The following KRR1 variants were observed in gnomAD, a reference collection of about 807,000 sequenced individuals.
KRR1 encodes the protein KRR1 small subunit processome component.
Under a neutral mutation model 50.0 loss-of-function variants are expected in KRR1, and 23 were observed. The ratio of observed to expected loss-of-function variants is 0.46; its 90% CI spans 0.33 to 0.65. The LOEUF is 0.65. Among genes scored for constraint, KRR1 ranks in the 30% least tolerant of loss-of-function variants. KRR1 has a pLI of 0.02. For synonymous variants in KRR1, 133 were observed against 146.3 expected, an observed-to-expected ratio of 0.91 and a Z score of 0.66; for missense variants, 419 against 442.4, an observed-to-expected ratio of 0.95 and a Z score of 0.47.
rs1034792311 is a variant in KRR1 at position 75,498,817 on chromosome 12, T to G, written c.*992A>C. On this transcript the variant is annotated 3_prime_UTR_variant, in exon 10 of 10. Coordinates refer to ENST00000229214, the MANE Select transcript of KRR1 (RefSeq NM_007043.7). ...GTCTAAGAGGATATTCTATGTTTGT[T>G]TCACAGGTTACTACTCTGTTGTATA... 3 of 1,612,112 alleles carry G rather than the reference T, an allele frequency of 1.9e-6. No homozygotes were observed. In the African/African-American group the frequency reaches 4.0e-5, roughly 22 times the overall value.
rs1488605200 is a variant in KRR1, at chr12:75,492,649, T to G, written c.*7160A>C. The G allele has an allele frequency of 6.6e-6, 1 of 152,236 alleles. No homozygotes were observed. Among genetic ancestry groups the G allele is most frequent in the Non-Finnish European group, 1.5e-5 (1 of 68,038 alleles). 9.4% of individuals were successfully genotyped at this position (152,236 alleles called of 1,614,324 possible). On this transcript the variant is annotated 3_prime_UTR_variant, in exon 10 of 10. Coordinates refer to ENST00000229214, the MANE Select transcript of KRR1 (RefSeq NM_007043.7). Reference sequence around the variant, plus strand: ...GGTTTAGACTCACTTATCTTCAGAGTTATAAACAATATTAAATTATAAAAC... The same window carrying G: ...GGTTTAGACTCACTTATCTTCAGAGGTATAAACAATATTAAATTATAAAAC...
intron 2 of KRR1, among the ~76,000 whole-genome samples, chr12:75,507,959 A>G (rs2046430167): frequency 6.6e-6 from 1 of 152,212 alleles, no homozygotes; most frequent in African/African-American, 2.4e-5. Flanking sequence ...TGGGACAGAT[A>G]CATGACAACT....
chr12:75,502,844 A>G (rs1269958494), intron 7 of KRR1: 5 of 152,094 alleles, frequency 3.3e-5, no homozygotes, highest in African/African-American at 1.2e-4. Flanking sequence ...TTATGGAAGC[A>G]TGGTTTAATG....
chr12:75,493,286 C>G lies in KRR1; in HGVS notation c.*6523G>C, dbSNP rs180837743. Reference sequence around the variant, plus strand: ...CAGAGAGACCAGTTAGGAATGTCCTCATTTCCCTTTGCCCTCTGCCCTCTG... The same window carrying G: ...CAGAGAGACCAGTTAGGAATGTCCTGATTTCCCTTTGCCCTCTGCCCTCTG... On this transcript the variant is annotated 3_prime_UTR_variant, in exon 10 of 10. Transcript: ENST00000229214. 1 of 152,298 alleles carries G rather than the reference C, an allele frequency of 6.6e-6. No homozygotes were observed. Among genetic ancestry groups the G allele is most frequent in the East Asian group, 1.9e-4 (1 of 5,182 alleles). 9.4% of individuals were successfully genotyped at this position (152,298 alleles called of 1,614,324 possible). A position where few individuals can be genotyped will look rare whatever the true frequency, so the allele number is the denominator to read the frequency against.
chr12:75,507,861 T>C (rs751918332), intron 2 of KRR1, among the ~76,000 whole-genome samples: 26 of 151,970 alleles, frequency 1.7e-4, no homozygotes, highest in Admixed American at 1.7e-3. Flanking sequence ...GGGCATAGCA[T>C]CAGCAATAAA....
intron 7 of KRR1, 104 bp from the exon 8 acceptor site, chr12:75,502,104 TG>T (rs2046398566): frequency 2.3e-6 from 2 of 855,530 alleles, no homozygotes. Context: ...GGGGTCAAAC[TG>T]ATTTATTAAT....
In KRR1 at chr12:75,498,790, A is replaced by G. The variant is rs2046368752; in HGVS notation, c.*1019T>C. 1.9e-6 allele frequency: 3 copies of G among 1,610,852 alleles called. No individual in the cohort carries two copies. The highest frequency in any genetic ancestry group is 4.5e-5 in the East Asian group (2 of 44,806). On this transcript the variant is annotated 3_prime_UTR_variant, in exon 10 of 10. Transcript: ENST00000229214. ...TTCTGTCAGTGCATTATGAGGAACA[A>G]TGTCTAAGAGGATATTCTATGTTTG...
rs2046339135 is a variant in KRR1 at position 75,494,455 on chromosome 12, G to C, written c.*5354C>G. Reference sequence around the variant, plus strand: ...CTTGCTGCAGAGAACTCAAAATATAGTTTGTGTTCATCACTGCATTGAAAC... The same window carrying C: ...CTTGCTGCAGAGAACTCAAAATATACTTTGTGTTCATCACTGCATTGAAAC... On this transcript the variant is annotated 3_prime_UTR_variant, in exon 10 of 10. Coordinates refer to ENST00000229214, the MANE Select transcript of KRR1 (RefSeq NM_007043.7). 6.6e-6 allele frequency: 1 copy of C among 152,090 alleles called. No individual in the cohort carries two copies. The highest frequency in any genetic ancestry group is 1.5e-5 in the Non-Finnish European group (1 of 68,014). The allele number at this position is 152,090 out of a possible 1,614,324, so 9.4% of individuals were successfully genotyped here.
At chr12:75,508,251 G>A (rs2046431514) in intron 2 of KRR1, 23 bp downstream of exon 2, 2 of 1,493,426 alleles carry the variant, frequency 1.3e-6, no homozygotes, top group Non-Finnish European at 1.8e-6. Flanking sequence ...TCAAATAAAT[G>A]TATTGATATA....
chr12:75,501,894 TC>T, intron 8 of KRR1, 28 bp downstream of exon 8: 1 of 1,601,450 alleles, frequency 6.2e-7, no homozygotes. Context: ...ACTTTGCTAT[TC>T]ATGTGAGCCA....
rs2046411211 is a variant in KRR1 at position 75,504,013 on chromosome 12, C to G, written c.722G>C (p.Arg241Thr). Residue 241 changes from arginine to threonine, a missense_variant, in exon 7 of 10, where the codon AGA becomes ACA. Coordinates refer to ENST00000229214, the MANE Select transcript of KRR1 (RefSeq NM_007043.7). ...DSELRSQSWE[R>T]FLPQFKHKNV... ...TTTGTGTTTGAACTGTGGCAAAAAT[C>G]TCTCCCAACTTTGTGATCGTAATTC... 6.2e-7 allele frequency: 1 copy of G among 1,612,312 alleles called. No individual in the cohort carries two copies. The highest frequency in any genetic ancestry group is 1.3e-5 in the African/African-American group (1 of 74,742).
At chr12:75,506,220 GAAAT>G (rs2046420826) in intron 5 of KRR1, 92 bp downstream of exon 5, 3 of 707,818 alleles carry the variant, frequency 4.2e-6, no homozygotes, top group South Asian at 4.2e-5. Context: ...ACATTCTAAA[GAAAT>G]AAAATTATAA....
rs565535318 is a variant in KRR1, at chr12:75,504,084, T to C, written c.661-10A>G. On this transcript the variant is annotated splice_polypyrimidine_tract_variant and intron_variant, in intron 6 of 9. Coordinates refer to ENST00000229214, the MANE Select transcript of KRR1 (RefSeq NM_007043.7). Reference sequence around the variant, plus strand: ...TCTTAATCATTAAGCTCTTTAGTCATGCAACAAAGTAAAAATTTTTACTTT... The same window carrying C: ...TCTTAATCATTAAGCTCTTTAGTCACGCAACAAAGTAAAAATTTTTACTTT... 6.3e-7 allele frequency: 1 copy of C among 1,575,092 alleles called. No individual in the cohort carries two copies. The highest frequency in any genetic ancestry group is 1.9e-5 in the Admixed American group (1 of 52,786).
At chr12:75,505,636 T>C (rs2046418640) in intron 5 of KRR1, among the ~76,000 whole-genome samples, 1 of 152,048 alleles carries the variant, frequency 6.6e-6, no homozygotes, top group African/African-American at 2.4e-5. Context: ...CTTGTAAGAA[T>C]TGTATTCAAT....
At chr12:75,508,173 A>G (rs17818049) in intron 2 of KRR1, 101 bp downstream of exon 2, 34,390 of 730,138 alleles carry the variant, frequency 0.047, 1,097 homozygotes, top group Middle Eastern at 0.085. Context: ...CAGCTATGTT[A>G]GCACCATTAA....
At chr12:75,505,335 G>A in intron 5 of KRR1, 81 bp from the exon 6 acceptor site, 3 of 1,318,272 alleles carry the variant, frequency 2.3e-6, no homozygotes, top group Admixed American at 2.7e-5. Context: ...GCAAAAATCA[G>A]GTAATGGGTA....
rs1468074886 is a variant in KRR1 at position 75,491,056 on chromosome 12, T to C, written c.*8753A>G. ...AACTTACATATGTGTGCTTGTGTCA[T>C]ACACATATTTAGAAATCTGATCATA... On this transcript the variant is annotated 3_prime_UTR_variant, in exon 10 of 10. Transcript: ENST00000229214. The C allele has an allele frequency of 1.3e-5, 2 of 152,262 alleles. No homozygotes were observed. Among genetic ancestry groups the C allele is most frequent in the Non-Finnish European group, 2.9e-5 (2 of 68,064 alleles). 9.4% of individuals were successfully genotyped at this position (152,262 alleles called of 1,614,324 possible). A position where few individuals can be genotyped will look rare whatever the true frequency, so the allele number is the denominator to read the frequency against.
At position 75,508,348 on chromosome 12, in the gene KRR1, T is replaced by C; in HGVS notation, c.184A>G (p.Thr62Ala). 1 of 1,613,738 alleles carries C rather than the reference T, an allele frequency of 6.2e-7. No homozygotes were observed. The highest frequency in any genetic ancestry group is 8.5e-7 in the Non-Finnish European group (1 of 1,179,774). The change falls in exon 2 of 10, where the codon ACT becomes GCT. Residue 62 changes from threonine to alanine, a missense_variant. Thr to Ala is a moderately conservative substitution (Grantham distance 58). Coordinates refer to ENST00000229214, the MANE Select transcript of KRR1 (RefSeq NM_007043.7). ...GCTTCCCTGTATTTTGGGAACAAAGTTGCGAAACTGCTCTCCTCCAAAAGT... is the reference window on the plus strand; with the variant it reads ...GCTTCCCTGTATTTTGGGAACAAAGCTGCGAAACTGCTCTCCTCCAAAAGT... ...RGLLEESSFA[T>A]LFPKYREAYL... is the part of the protein sequence containing the mutation.
intron 7 of KRR1, 104 bp from the exon 8 acceptor site, chr12:75,502,104 T>A (rs2046398555): frequency 3.5e-6 from 3 of 855,644 alleles, no homozygotes; most frequent in Non-Finnish European, 5.7e-6. Context: ...GGGGTCAAAC[T>A]GATTTATTAA....
Sources: allele counts gnomAD v4.1 joint callset (sites outside exome capture counted in the v4.1 genomes callset), GRCh38; gene constraint gnomAD v4.1.1; transcripts MANE v1.5; gene names NCBI Gene and HGNC (gene_info 2026-07-23, HGNC 2026-07-21).